TSNAXIP1: variants seen among roughly 807,000 people sequenced by gnomAD.
TSNAXIP1 encodes the protein translin-associated factor X-interacting protein 1.
Under a neutral mutation model 84.8 loss-of-function variants are expected in TSNAXIP1, and 89 were observed. That is an observed-to-expected ratio of 1.05 (90% CI 0.88 to 1.25). TSNAXIP1 has a LOEUF of 1.25. Ranked by LOEUF, TSNAXIP1 falls within the 50% of genes most tolerant of loss-of-function variation. TSNAXIP1 has a pLI of 0.00. For synonymous variants in TSNAXIP1, 347 were observed against 335.2 expected (o/e 1.04, Z -0.39); for missense variants, 874 against 887.6 (o/e 0.98, Z 0.20).
chr16:67,824,587 C>T lies in TSNAXIP1; in HGVS notation c.486C>T (p.His162=), dbSNP rs1400748407. Residue 162 remains histidine (H), a synonymous_variant, in exon 6 of 16, where the codon CAC becomes CAT. Transcript: ENST00000561639. ...CTCCCACCTGTCTCTGCTTAGCCCA[C>T]CAAAGGGAGAAGATTCGGGCTCTGG... ...IKNAYEGMLA[H]QREKIRALEP... The T allele has an allele frequency of 6.2e-7, 1 of 1,613,568 alleles. No homozygotes were observed. Among genetic ancestry groups the T allele is most frequent in the Non-Finnish European group, 8.5e-7 (1 of 1,179,876 alleles).
chr16:67,816,785 A>C (rs1009160364), intron 2 of TSNAXIP1, among the ~76,000 whole-genome samples: 1 of 151,872 alleles, frequency 6.6e-6, no homozygotes, highest in Middle Eastern at 3.2e-3. Flanking sequence ...GCCCGGGAGC[A>C]CTGCGTTCCA....
At position 67,814,398 on chromosome 16, in the gene TSNAXIP1, G is replaced by GTGA; in HGVS notation, c.144_145insTGA (p.Thr48_Leu49insTer). The GTGA allele has an allele frequency of 6.5e-7, 1 of 1,535,652 alleles. No individual in the cohort carries two copies. The highest frequency in any genetic ancestry group is 8.7e-7 in the Non-Finnish European group (1 of 1,146,550). On this transcript the variant is annotated stop_gained and inframe_insertion, in exon 2 of 16. Coordinates refer to ENST00000561639, the MANE Select transcript of TSNAXIP1 (RefSeq NM_001288990.3). LOFTEE classifies it high-confidence loss of function. The stretch of plus-strand genomic sequence containing the variant: ...GCAAGCTTCTTCAGAAACGAAGGAC[G>GTGA]CTGGTTAGTGACAATGTTGTTTTGG...
Position 67,821,207 on chromosome 16 carries a change from C to T in TSNAXIP1, c.369C>T (p.Thr123=). Residue 123 remains threonine, a synonymous_variant, in exon 4 of 16, where the codon ACC becomes ACT. Transcript: ENST00000561639. ...TGCTGGACCTGGGCACAGATTCCACCCAGGAACTAAGGCTGCAGGTCAGAG... is the reference window on the plus strand; with the variant it reads ...TGCTGGACCTGGGCACAGATTCCACTCAGGAACTAAGGCTGCAGGTCAGAG... ...LLLLDLGTDS[T]QELRLQPYRE... The T allele has an allele frequency of 6.2e-7, 1 of 1,608,556 alleles. No homozygotes were observed. Among genetic ancestry groups the T allele is most frequent in the Non-Finnish European group, 8.5e-7 (1 of 1,178,032 alleles).
intron 1 of TSNAXIP1, among the ~76,000 whole-genome samples, chr16:67,808,740 G>A (rs1335124874): frequency 2.0e-5 from 3 of 151,620 alleles, no homozygotes; most frequent in Non-Finnish European, 4.4e-5. Flanking sequence ...GTGAGACTCC[G>A]TCTCAAAAAA....
At chr16:67,816,502 TC>T (rs1020477384) in intron 2 of TSNAXIP1, among the ~76,000 whole-genome samples, 1 of 152,018 alleles carries the variant, frequency 6.6e-6, no homozygotes, top group African/African-American at 2.4e-5. Flanking sequence ...GGCTGGGGAC[TC>T]CCAACACCCC....
chr16:67,824,452 G>T, intron 5 of TSNAXIP1, 131 bp from the exon 6 acceptor site: 1 of 840,988 alleles, frequency 1.2e-6, no homozygotes, highest in Non-Finnish European at 1.9e-6. Flanking sequence ...AGGGACCATG[G>T]CTTTGAACAA....
chr16:67,823,793 G>T (rs1270838068), intron 5 of TSNAXIP1, 74 bp downstream of exon 5: 7 of 1,303,246 alleles, frequency 5.4e-6, no homozygotes, highest in Admixed American at 3.6e-5. Context: ...CGAGGCGGTA[G>T]ATCACTTGAG....
At chr16:67,820,748 A>T in intron 2 of TSNAXIP1, 91 bp from the exon 3 acceptor site, 2 of 1,029,432 alleles carry the variant, frequency 1.9e-6, no homozygotes, top group Middle Eastern at 4.5e-4. Flanking sequence ...TCTCAAAAAA[A>T]AAAAGTCAGG....
At chr16:67,810,743 T>TC (rs912155100) in intron 1 of TSNAXIP1, among the ~76,000 whole-genome samples, 1 of 145,316 alleles carries the variant, frequency 6.9e-6, no homozygotes, top group Non-Finnish European at 1.5e-5. Context: ...ATCTTAAACT[T>TC]TTTTTTTTTT....
chr16:67,811,950 T>C (rs2056123448), intron 1 of TSNAXIP1, among the ~76,000 whole-genome samples: 1 of 152,186 alleles, frequency 6.6e-6, no homozygotes. Flanking sequence ...GTTTGGAATA[T>C]TACTGCTCCA....
chr16:67,825,297 TTCTC>T (rs1567771095), intron 7 of TSNAXIP1, 25 bp downstream of exon 7: 2 of 1,612,804 alleles, frequency 1.2e-6, no homozygotes, highest in African/African-American at 2.7e-5. Flanking sequence ...GGAATCGGGT[TTCTC>T]TCTTCTCTGA....
intron 2 of TSNAXIP1, among the ~76,000 whole-genome samples, chr16:67,819,069 T>A (rs1021859757): frequency 1.3e-5 from 2 of 150,956 alleles, no homozygotes; most frequent in Non-Finnish European, 3.0e-5. Flanking sequence ...TACTCGGGAG[T>A]CTGAGGCAGG....
chr16:67,822,680 T>G (rs2057156044), intron 4 of TSNAXIP1, among the ~76,000 whole-genome samples: 1 of 152,206 alleles, frequency 6.6e-6, no homozygotes, highest in African/African-American at 2.4e-5. Context: ...CCCTGCCTTT[T>G]GACTTAGTCA....
At chr16:67,821,270 G>GGGGT in intron 4 of TSNAXIP1, 45 bp downstream of exon 4, 11 of 874,332 alleles carry the variant, frequency 1.3e-5, no homozygotes, top group Non-Finnish European at 1.9e-5. Flanking sequence ...GGAAGGGTGG[G>GGGGT]AAGAAGCTTC....
chr16:67,812,587 A>AC (rs2056188396), intron 1 of TSNAXIP1, among the ~76,000 whole-genome samples: 1 of 151,152 alleles, frequency 6.6e-6, no homozygotes. Context: ...AATTGCTTGA[A>AC]CCTGGGAGTC....
At position 67,824,509 on chromosome 16, in the gene TSNAXIP1, C is replaced by G. The variant is rs889121139; in HGVS notation, c.482-74C>G. ...TTTGCAAGCGACATAGCCACTCACC[C>G]ATGACCTTAGGGTGTCTTCTGGCTG... On this transcript the variant is annotated intron_variant, in intron 5 of 15. Coordinates refer to ENST00000561639, the MANE Select transcript of TSNAXIP1 (RefSeq NM_001288990.3). 2.7e-6 allele frequency: 4 copies of G among 1,458,004 alleles called. No individual in the cohort carries two copies. In the African/African-American group the frequency reaches 4.2e-5, roughly 15 times the overall value. 90.3% of individuals were successfully genotyped at this position (1,458,004 alleles called of 1,614,324 possible). A position where few individuals can be genotyped will look rare whatever the true frequency, so the allele number is the denominator to read the frequency against.
intron 4 of TSNAXIP1, among the ~76,000 whole-genome samples, chr16:67,821,840 C>T (rs1198042756): frequency 6.6e-6 from 1 of 151,570 alleles, no homozygotes; most frequent in Non-Finnish European, 1.5e-5. Flanking sequence ...AAATACAAAA[C>T]CTGCAGTGGT....
chr16:67,820,155 A>C (rs1340043633), intron 2 of TSNAXIP1, among the ~76,000 whole-genome samples: 1 of 151,358 alleles, frequency 6.6e-6, no homozygotes, highest in Non-Finnish European at 1.5e-5. Flanking sequence ...ACGGGGTTTC[A>C]CCGTGTTAGC....
chr16:67,821,805 C>T (rs913064192), intron 4 of TSNAXIP1, among the ~76,000 whole-genome samples: 8 of 151,704 alleles, frequency 5.3e-5, no homozygotes, highest in African/African-American at 1.7e-4. Flanking sequence ...GCCTGGTCAA[C>T]ATGGTGAAAC....
Sources: gnomAD v4.1 joint callset for allele counts (sites outside exome capture counted in the v4.1 genomes callset) on GRCh38, gnomAD v4.1.1 for gene constraint, MANE v1.5 for transcripts, NCBI Gene and HGNC (gene_info 2026-07-23, HGNC 2026-07-21) for gene names.